The following ZPBP variants were observed in gnomAD, a reference collection of about 807,000 sequenced individuals.
ZPBP encodes zona pellucida-binding protein 1.
ZPBP carries 26 observed loss-of-function variants against 44.8 expected under a neutral mutation model. That is an observed-to-expected ratio of 0.58 (90% CI 0.43 to 0.81). The LOEUF is 0.81. Ranked by LOEUF, ZPBP falls within the 30% of genes least tolerant of loss-of-function variation. The probability of loss-of-function intolerance (pLI) is 0.00; values close to 1 mark genes in which losing one functional copy is unlikely to be tolerated. For missense variants in ZPBP, 409 were observed against 434.0 expected, an observed-to-expected ratio of 0.94 and a Z score of 0.51; for synonymous variants, 174 against 153.2, an observed-to-expected ratio of 1.14 and a Z score of -1.00.
chr7:50,009,628 C>T (rs930076715), intron 6 of ZPBP, among the ~76,000 whole-genome samples: 6 of 151,972 alleles, frequency 3.9e-5, no homozygotes, highest in African/African-American at 1.5e-4. Flanking sequence ...AGAACCATCC[C>T]TAAACATCTC....
intron 7 of ZPBP, among the ~76,000 whole-genome samples, chr7:49,953,667 A>G (rs1029347622): frequency 6.6e-6 from 1 of 152,152 alleles, no homozygotes; most frequent in Non-Finnish European, 1.5e-5. Context: ...AAAATTCACA[A>G]TGTTGGAATC....
intron 6 of ZPBP, among the ~76,000 whole-genome samples, chr7:50,006,626 C>A (rs1483082): frequency 0.025 from 3,747 of 152,018 alleles, 193 homozygotes; most frequent in African/African-American, 0.086. Context: ...TCAAATCAAC[C>A]TACCTTTACA....
At chr7:49,899,476 G>A (rs963319008) in intron 2 of ZPBP, among the ~76,000 whole-genome samples, 1 of 151,982 alleles carries the variant, frequency 6.6e-6, no homozygotes. Context: ...TAAATGGATG[G>A]ATAAAGTTAC....
At chr7:49,892,609 T>C (rs1177337056) in intron 2 of ZPBP, among the ~76,000 whole-genome samples, 2 of 152,222 alleles carry the variant, frequency 1.3e-5, no homozygotes, top group Non-Finnish European at 2.9e-5. Flanking sequence ...AGTTTCATGC[T>C]GTGTTGGCAT....
chr7:49,942,257 T>A (rs1794920482), intron 7 of ZPBP: 1 of 213,122 alleles, frequency 4.7e-6, no homozygotes, highest in East Asian at 1.5e-4. Flanking sequence ...ACTGCTAATA[T>A]CTGAATTTTT....
At chr7:49,998,887 C>G (rs1480391623) in intron 6 of ZPBP, among the ~76,000 whole-genome samples, 1 of 151,942 alleles carries the variant, frequency 6.6e-6, no homozygotes, top group Admixed American at 6.6e-5. Context: ...GAGTGCACAC[C>G]ACACACAAAT....
the ZPBP span, among the ~76,000 whole-genome samples, chr7:49,843,963 A>C: frequency 6.6e-6 from 1 of 152,214 alleles, no homozygotes; most frequent in African/African-American, 2.4e-5. Flanking sequence ...ATTCTATTAC[A>C]GGGGCCTATG....
chr7:49,849,471 G>A (rs1315432245), downstream of ZPBP, among the ~76,000 whole-genome samples: 1 of 152,122 alleles, frequency 6.6e-6, no homozygotes, highest in Non-Finnish European at 1.5e-5. Flanking sequence ...CGGGTCTCTG[G>A]ATGGGGTTTG....
At chr7:49,938,757 T>A (rs1016500088) in intron 7 of ZPBP, among the ~76,000 whole-genome samples, 1 of 152,184 alleles carries the variant, frequency 6.6e-6, no homozygotes, top group African/African-American at 2.4e-5. Context: ...TCTCAGAATA[T>A]GTTAATAGCA....
intron 2 of ZPBP, among the ~76,000 whole-genome samples, chr7:49,882,853 T>C (rs184032143): frequency 6.6e-6 from 1 of 151,562 alleles, no homozygotes; most frequent in East Asian, 1.9e-4. Flanking sequence ...TGTTTTTGGG[T>C]TTTTTTTGTT....
chr7:49,938,928 A>AT (rs1369639647), intron 7 of ZPBP, among the ~76,000 whole-genome samples: 7 of 152,142 alleles, frequency 4.6e-5, no homozygotes, highest in Non-Finnish European at 1.0e-4. Context: ...ATATTTTACC[A>AT]TTTTTTAGAG....
chr7:50,072,199 G>C (rs1801872270), intron 3 of ZPBP, among the ~76,000 whole-genome samples: 1 of 152,190 alleles, frequency 6.6e-6, no homozygotes, highest in East Asian at 1.9e-4. Context: ...GGGAACATTG[G>C]TGGTAGTTGG....
chr7:50,083,276 A>G (rs1190385910), intron 2 of ZPBP, among the ~76,000 whole-genome samples: 1 of 152,042 alleles, frequency 6.6e-6, no homozygotes, highest in African/African-American at 2.4e-5. Flanking sequence ...TTTTATAGGA[A>G]GGAAGATAAT....
At chr7:49,958,727 T>G (rs535685134) in intron 7 of ZPBP, among the ~76,000 whole-genome samples, 39 of 152,236 alleles carry the variant, frequency 2.6e-4, no homozygotes, top group Non-Finnish European at 4.1e-4. Flanking sequence ...CAGTGCTTTA[T>G]TAGTGCAGGG....
intron 6 of ZPBP, among the ~76,000 whole-genome samples, chr7:49,989,927 T>C (rs1580400): frequency 0.51 from 77,075 of 151,966 alleles, 20,384 homozygotes; most frequent in East Asian, 0.69. Flanking sequence ...TAACTATAGC[T>C]GCCAGTTTTC....
intron 6 of ZPBP, among the ~76,000 whole-genome samples, chr7:50,010,586 C>T (rs2128800578): frequency 6.6e-6 from 1 of 152,178 alleles, no homozygotes; most frequent in East Asian, 1.9e-4. Flanking sequence ...AAATCACGGA[C>T]TCAACTCCTT....
intron 6 of ZPBP, among the ~76,000 whole-genome samples, chr7:49,991,417 G>A (rs1006047711): frequency 1.3e-5 from 2 of 152,138 alleles, no homozygotes; most frequent in African/African-American, 4.8e-5. Context: ...GCAAAGGAAT[G>A]AGGAAGAAAG....
intron 6 of ZPBP, among the ~76,000 whole-genome samples, chr7:49,996,632 T>G (rs1393203291): frequency 6.6e-6 from 1 of 152,326 alleles, no homozygotes; most frequent in East Asian, 1.9e-4. Flanking sequence ...TTCAAGGTGG[T>G]CTGAGTCTGT....
At chr7:49,860,477 C>T (rs935951788) in intron 2 of ZPBP, among the ~76,000 whole-genome samples, 11 of 152,102 alleles carry the variant, frequency 7.2e-5, no homozygotes, top group Non-Finnish European at 1.3e-4. Flanking sequence ...ATGTATATGC[C>T]GTGATTTGTT....
Sources: gnomAD v4.1 joint callset for allele counts (sites outside exome capture counted in the v4.1 genomes callset) on GRCh38, gnomAD v4.1.1 for gene constraint, MANE v1.5 for transcripts, NCBI Gene and HGNC (gene_info 2026-07-23, HGNC 2026-07-21) for gene names.